ELMO1: variants seen among roughly 807,000 people sequenced by gnomAD.
The protein encoded by ELMO1 is engulfment and cell motility 1, also known as engulfment and cell motility protein 1.
ELMO1 carries 26 observed loss-of-function variants against 98.9 expected under a neutral mutation model. The observed-to-expected ratio is 0.26, with a 90% CI of 0.19 to 0.36. The LOEUF (loss-of-function observed/expected upper bound fraction) is 0.36, where lower values mean the gene tolerates loss of function less well. Among genes scored for constraint, ELMO1 ranks in the 10% least tolerant of loss-of-function variants. The probability of loss-of-function intolerance (pLI) is 1.00; values close to 1 mark genes in which losing one functional copy is unlikely to be tolerated. For missense variants in ELMO1, 627 were observed against 935.2 expected (o/e 0.67, Z 4.30); for synonymous variants, 346 against 346.0 (o/e 1.00, Z 0.00).
At chr7:37,059,383 G>A (rs751181110) in intron 15 of ELMO1, among the ~76,000 whole-genome samples, 1 of 152,160 alleles carries the variant, frequency 6.6e-6, no homozygotes, top group Admixed American at 6.5e-5. Context: ...ATAAAAATCA[G>A]ATAACTTATC....
At chr7:36,893,881 A>G (rs1440912924) in intron 17 of ELMO1, among the ~76,000 whole-genome samples, 5 of 152,208 alleles carry the variant, frequency 3.3e-5, no homozygotes, top group Non-Finnish European at 7.3e-5. Context: ...CAAGCATTAG[A>G]AGTGTCAAAT....
intron 16 of ELMO1, among the ~76,000 whole-genome samples, chr7:36,900,748 T>C (rs1298934289): frequency 2.0e-5 from 3 of 152,184 alleles, no homozygotes; most frequent in Non-Finnish European, 4.4e-5. Flanking sequence ...TTGATTTATC[T>C]TCACAGTGAC....
At chr7:37,105,830 C>T (rs79577055) in intron 14 of ELMO1, among the ~76,000 whole-genome samples, 3,129 of 152,084 alleles carry the variant, frequency 0.021, 127 homozygotes, top group African/African-American at 0.072. Flanking sequence ...AGTCAAAATC[C>T]ATAGAGAGAG....
chr7:37,377,751 C>T (rs959148182), intron 1 of ELMO1, among the ~76,000 whole-genome samples: 3 of 152,100 alleles, frequency 2.0e-5, no homozygotes, highest in African/African-American at 7.2e-5. Context: ...CCATTGAACC[C>T]CCTCCTCCAA....
At chr7:37,324,692 C>G (rs1286027483) in intron 2 of ELMO1, among the ~76,000 whole-genome samples, 1 of 152,190 alleles carries the variant, frequency 6.6e-6, no homozygotes, top group African/African-American at 2.4e-5. Context: ...AGGGATTCTC[C>G]TGTCTTAGCC....
At chr7:37,280,873 T>C (rs1253687803) in intron 4 of ELMO1, among the ~76,000 whole-genome samples, 1 of 151,866 alleles carries the variant, frequency 6.6e-6, no homozygotes, top group East Asian at 1.9e-4. Flanking sequence ...GGAAAAGAAG[T>C]CATTATTCAA....
At chr7:37,293,157 G>C (rs1253537056) in intron 4 of ELMO1, among the ~76,000 whole-genome samples, 1 of 72,992 alleles carries the variant, frequency 1.4e-5, no homozygotes. Flanking sequence ...GCCTCTGCCT[G>C]GCCGCGCCTA....
intron 19 of ELMO1, among the ~76,000 whole-genome samples, chr7:36,871,512 T>C (rs953657196): frequency 6.6e-6 from 1 of 152,190 alleles, no homozygotes; most frequent in Non-Finnish European, 1.5e-5. Flanking sequence ...CAGCCCCATA[T>C]GGGTTTATGA....
chr7:37,066,436 C>T (rs1796969012), intron 15 of ELMO1, among the ~76,000 whole-genome samples: 1 of 152,164 alleles, frequency 6.6e-6, no homozygotes, highest in Admixed American at 6.5e-5. Context: ...CAGGCCCTTT[C>T]CTGGCTGTGG....
At chr7:36,887,524 CCCTAT>C in intron 18 of ELMO1, 31 bp downstream of exon 18, 1 of 1,601,074 alleles carries the variant, frequency 6.2e-7, no homozygotes, top group Non-Finnish European at 8.6e-7. Flanking sequence ...CCACTGTTTA[CCCTAT>C]CCAAGTTTGG....
At position 37,188,586 on chromosome 7, in the gene ELMO1, GAA is replaced by G. The variant is rs1791388832; in HGVS notation, c.1086+22798_1086+22799del. ...GGAAATGTGGCTGTGGGTATTTAGA[GAA>G]AAGGCATCTTAAGAGTTTTTTTTAA... On this transcript the variant is annotated intron_variant, in intron 13 of 21. Transcript: ENST00000310758. 6.0e-5 allele frequency among the ~76,000 whole-genome samples: 9 copies of G among 151,046 alleles called. No individual in the cohort carries two copies. In the South Asian group the frequency reaches 1.9e-3, roughly 32 times the overall value.
At chr7:37,271,938 A>G in intron 4 of ELMO1, 56 bp from the exon 5 acceptor site, 1 of 1,479,920 alleles carries the variant, frequency 6.8e-7, no homozygotes, top group Non-Finnish European at 9.4e-7. Flanking sequence ...GGTAAAGAAG[A>G]GAACAAAGGC....
chr7:37,342,729 G>A lies in ELMO1; in HGVS notation c.-39C>T, dbSNP rs530229159. On this transcript the variant is annotated 5_prime_UTR_variant, in exon 2 of 22. Transcript: ENST00000310758. This position sits in a 1 kb window ranked among gnomAD's most constrained non-coding sequence, Gnocchi z 4.3. ...AATGTTCAAAGCCAGTGGGAATGAG[G>A]ATCCTACAGCGTAAACGGCCACACG... 4.5e-6 allele frequency: 7 copies of A among 1,571,228 alleles called. No homozygotes were observed. Among genetic ancestry groups the A allele is most frequent in the Non-Finnish European group, 6.1e-6 (7 of 1,155,176 alleles).
chr7:37,259,236 A>G lies in ELMO1; in HGVS notation c.358T>C (p.Phe120Leu). ...LSRDVTFAQE[F>L]INLDGISLLT... ...AGAGAGATACCGTCCAGGTTTATAAACTCCTGGGCAAACGTGACATCCCGG... is the reference window on the plus strand; with the variant it reads ...AGAGAGATACCGTCCAGGTTTATAAGCTCCTGGGCAAACGTGACATCCCGG... The change falls in exon 6 of 22, where the codon TTT (phenylalanine) becomes CTT (leucine). Residue 120 changes from phenylalanine to leucine, a missense_variant. Phe to Leu is a conservative substitution (Grantham distance 22, BLOSUM62 0). Around this residue, in one of 3 missense-constraint regions of ELMO1, gnomAD observed 123 missense variants for 171.2 expected, o/e 0.72. Coordinates refer to ENST00000310758, the MANE Select transcript of ELMO1 (RefSeq NM_014800.11). 6.2e-7 allele frequency: 1 copy of G among 1,613,856 alleles called. No homozygotes were observed. Among genetic ancestry groups the G allele is most frequent in the Non-Finnish European group, 8.5e-7 (1 of 1,179,940 alleles).
intron 8 of ELMO1, 50 bp from the exon 9 acceptor site, chr7:37,225,080 A>G (rs766574926): frequency 2.5e-6 from 4 of 1,606,290 alleles, no homozygotes; most frequent in Non-Finnish European, 3.4e-6. Context: ...AGTAGAGCAG[A>G]GACGTGGAGA....
chr7:36,893,808 G>A (rs566098475), intron 17 of ELMO1, among the ~76,000 whole-genome samples: 1 of 152,234 alleles, frequency 6.6e-6, no homozygotes, highest in East Asian at 1.9e-4. Context: ...ATGGGAGTAA[G>A]GCCTGCCCAT....
chr7:37,323,241 C>T (rs1046239073), intron 2 of ELMO1, among the ~76,000 whole-genome samples: 1 of 152,190 alleles, frequency 6.6e-6, no homozygotes, highest in Non-Finnish European at 1.5e-5. Flanking sequence ...GTGTCAATAG[C>T]TACATTCAAG....
intron 1 of ELMO1, among the ~76,000 whole-genome samples, chr7:37,368,555 T>C (rs1801990637): frequency 6.6e-6 from 1 of 152,162 alleles, no homozygotes; most frequent in African/African-American, 2.4e-5. Flanking sequence ...GGAGGGACTC[T>C]CTTTGGAATT....
chr7:37,092,366 CTTTTT>C (rs537388417), intron 15 of ELMO1, among the ~76,000 whole-genome samples: 8 of 68,890 alleles, frequency 1.2e-4, no homozygotes, highest in African/African-American at 2.3e-4. Flanking sequence ...TACCCATATT[CTTTTT>C]TTTTTTTTTT....
Sources: allele counts gnomAD v4.1 joint callset (sites outside exome capture counted in the v4.1 genomes callset), GRCh38; gene constraint gnomAD v4.1.1; regional missense constraint gnomAD v4.1.1; non-coding constraint Gnocchi (gnomAD v3.1); transcripts MANE v1.5; gene names NCBI Gene and HGNC (gene_info 2026-07-23, HGNC 2026-07-21).